Variants in NXPE3 observed in about 807,000 individuals in gnomAD.
NXPE3 encodes the protein neurexophilin and PC-esterase domain family member 3.
A neutral mutation model predicts 46.1 loss-of-function variants in NXPE3; 26 were observed. The ratio of observed to expected loss-of-function variants is 0.56; its 90% CI spans 0.41 to 0.78. NXPE3 has a LOEUF of 0.78. NXPE3 is among the 30% of genes least tolerant of loss of function. NXPE3 has a pLI of 0.00. For synonymous variants in NXPE3, 272 were observed against 257.9 expected (o/e 1.05, Z -0.52); for missense variants, 620 against 686.0 (o/e 0.90, Z 1.07).
chr3:101,819,233 T>C (rs1942137862), intron 7 of NXPE3, among the ~76,000 whole-genome samples: 1 of 152,206 alleles, frequency 6.6e-6, no homozygotes, highest in African/African-American at 2.4e-5. Context: ...TGTCAACATT[T>C]ACTTAAGGCA....
intron 7 of NXPE3, 50 bp from the exon 8 acceptor site, chr3:101,821,354 T>C: frequency 1.3e-6 from 2 of 1,526,730 alleles, no homozygotes; most frequent in Non-Finnish European, 1.8e-6. Context: ...AATCAAAATA[T>C]ATGTGCTTGG....
intron 5 of NXPE3, among the ~76,000 whole-genome samples, chr3:101,805,721 G>A (rs994988100): frequency 2.0e-5 from 3 of 152,104 alleles, no homozygotes; most frequent in South Asian, 2.1e-4. Flanking sequence ...GATTACAGGC[G>A]TAAGCCACCA....
Position 101,821,753 on chromosome 3 carries a change from G to A in NXPE3, c.1479G>A (p.Val493=). ...TANAQELGPE[V]SLFNSDWYNF... The stretch of plus-strand genomic sequence containing the variant: ...ACGCCCAAGAGCTGGGACCTGAGGT[G>A]AGCCTTTTCAACAGCGACTGGTACA... Residue 493 remains valine, a synonymous_variant, in exon 8 of 8, where the codon GTG becomes GTA. Coordinates refer to ENST00000273347, the MANE Select transcript of NXPE3 (RefSeq NM_145037.4). The A allele has an allele frequency of 6.2e-7, 1 of 1,614,222 alleles. No individual in the cohort carries two copies. The highest frequency in any genetic ancestry group is 8.5e-7 in the Non-Finnish European group (1 of 1,180,028).
rs896671070 is a variant in NXPE3 at position 101,826,876 on chromosome 3, A to C, written c.*4922A>C. On this transcript the variant is annotated 3_prime_UTR_variant, in exon 8 of 8. Coordinates refer to ENST00000273347, the MANE Select transcript of NXPE3 (RefSeq NM_145037.4). ...TGATGAAACCCCATCTCTACTAAAA[A>C]TACAAAAATAGCCAGGTGTGGTGGC... 7 of 152,190 alleles carry C rather than the reference A, an allele frequency of 4.6e-5. No individual in the cohort carries two copies. The highest frequency in any genetic ancestry group is 1.7e-4 in the African/African-American group (7 of 41,424). 9.4% of individuals were successfully genotyped at this position (152,190 alleles called of 1,614,324 possible). A position where few individuals can be genotyped will look rare whatever the true frequency, so the allele number is the denominator to read the frequency against.
intron 7 of NXPE3, among the ~76,000 whole-genome samples, chr3:101,818,199 AT>A (rs1942052843): frequency 6.6e-6 from 1 of 152,126 alleles, no homozygotes; most frequent in African/African-American, 2.4e-5. Context: ...TTTAAATTTA[AT>A]TTTTAGAAGG....
chr3:101,797,381 C>A (rs1940890232), intron 4 of NXPE3, among the ~76,000 whole-genome samples: 1 of 151,202 alleles, frequency 6.6e-6, no homozygotes, highest in Admixed American at 6.6e-5. Flanking sequence ...TTCTAACCTA[C>A]ATGGCCTTGA....
At chr3:101,800,561 G>A (rs904476102) in intron 4 of NXPE3, among the ~76,000 whole-genome samples, 5 of 152,090 alleles carry the variant, frequency 3.3e-5, no homozygotes, top group Non-Finnish European at 7.4e-5. Context: ...TGTCCTTACC[G>A]ATTTTCTGCC....
At chr3:101,782,342 T>C (rs1284371614) in intron 2 of NXPE3, 52 bp downstream of exon 2, 1 of 152,202 alleles carries the variant, frequency 6.6e-6, no homozygotes, top group Non-Finnish European at 1.5e-5. Flanking sequence ...TCTGAGGAAC[T>C]TTTTTCTATA....
intron 4 of NXPE3, 26 bp from the exon 5 acceptor site, chr3:101,801,209 T>C: frequency 1.3e-6 from 2 of 1,576,318 alleles, no homozygotes; most frequent in Non-Finnish European, 1.7e-6. Context: ...AGTGGTAATT[T>C]CTGTTGTTTG....
chr3:101,811,802 C>T (rs899353782), intron 6 of NXPE3, among the ~76,000 whole-genome samples: 2 of 138,222 alleles, frequency 1.4e-5, no homozygotes, highest in Admixed American at 7.8e-5. Flanking sequence ...AGTGTGATCT[C>T]GGCTCATTAA....
intron 6 of NXPE3, among the ~76,000 whole-genome samples, chr3:101,813,979 A>G (rs1941846772): frequency 1.3e-5 from 2 of 152,234 alleles, no homozygotes; most frequent in Admixed American, 6.5e-5. Flanking sequence ...AGCATGCAGC[A>G]TGTTTAAAGA....
intron 6 of NXPE3, 81 bp downstream of exon 6, chr3:101,807,207 A>G: frequency 2.0e-6 from 2 of 978,798 alleles, no homozygotes; most frequent in South Asian, 1.3e-5. Context: ...TTATGTTGCA[A>G]AAACTTATAT....
chr3:101,798,185 G>A (rs1030397861), intron 4 of NXPE3, among the ~76,000 whole-genome samples: 1 of 151,888 alleles, frequency 6.6e-6, no homozygotes, highest in African/African-American at 2.4e-5. Context: ...GTGATGATGA[G>A]CATTTTTTCA....
intron 7 of NXPE3, among the ~76,000 whole-genome samples, chr3:101,818,503 C>A (rs1576784034): frequency 6.6e-6 from 1 of 151,662 alleles, no homozygotes; most frequent in East Asian, 1.9e-4. Flanking sequence ...CACGTCCCAC[C>A]ATATACTTTA....
intron 7 of NXPE3, among the ~76,000 whole-genome samples, chr3:101,820,040 T>C (rs948579851): frequency 1.3e-5 from 2 of 152,148 alleles, no homozygotes; most frequent in East Asian, 1.9e-4. Flanking sequence ...CTTAGCATAA[T>C]GTCCTCTAGT....
intron 6 of NXPE3, among the ~76,000 whole-genome samples, chr3:101,809,654 C>T (rs1469390809): frequency 6.6e-6 from 1 of 151,758 alleles, no homozygotes; most frequent in Admixed American, 6.6e-5. Flanking sequence ...AGTGTAGACT[C>T]ATGAAAATTT....
chr3:101,814,220 G>C (rs1000394977), intron 6 of NXPE3, among the ~76,000 whole-genome samples: 1 of 152,168 alleles, frequency 6.6e-6, no homozygotes, highest in Non-Finnish European at 1.5e-5. Flanking sequence ...CCTAGGTGTC[G>C]TCTCTGGAGC....
intron 4 of NXPE3, among the ~76,000 whole-genome samples, chr3:101,790,488 C>A (rs559558171): frequency 2.6e-4 from 39 of 152,242 alleles, no homozygotes; most frequent in African/African-American, 8.9e-4. Flanking sequence ...CTTCTTCATG[C>A]TTGGTAAAAT....
In NXPE3 at chr3:101,816,627, C is replaced by T. The variant is rs114344055; in HGVS notation, c.923-168C>T. The stretch of plus-strand genomic sequence containing the variant: ...CATTCTTTTTTATGGCTGTGGAAAA[C>T]CTTTTTTTAATCAGGAGAAAAGTCT... On this transcript the variant is annotated intron_variant, in intron 6 of 7. Coordinates refer to ENST00000273347, the MANE Select transcript of NXPE3 (RefSeq NM_145037.4). 9.8e-3 allele frequency among the ~76,000 whole-genome samples: 1,484 copies of T among 152,200 alleles called. 20 individuals carry two copies. Among genetic ancestry groups the T allele is most frequent in the African/African-American group, 0.033 (1,372 of 41,518 alleles).
Sources: gnomAD v4.1 joint callset for allele counts (sites outside exome capture counted in the v4.1 genomes callset) on GRCh38, gnomAD v4.1.1 for gene constraint, MANE v1.5 for transcripts, NCBI Gene and HGNC (gene_info 2026-07-23, HGNC 2026-07-21) for gene names.